HPSE2: variants seen among roughly 807,000 people sequenced by gnomAD.
HPSE2 encodes the protein heparanase 2 (inactive), also known as inactive heparanase-2.
HPSE2 carries 38 observed loss-of-function variants against 60.5 expected under a neutral mutation model. That is an observed-to-expected ratio of 0.63 (90% CI 0.48 to 0.82). The LOEUF (loss-of-function observed/expected upper bound fraction) is 0.82. Ranked by LOEUF, HPSE2 falls within the 40% of genes least tolerant of loss-of-function variation. The probability of loss-of-function intolerance (pLI) is 0.00; values close to 1 mark genes in which losing one functional copy is unlikely to be tolerated. For missense variants in HPSE2, 713 were observed against 740.4 expected (o/e 0.96, Z 0.43); for synonymous variants, 295 against 293.2 (o/e 1.01, Z -0.06).
chr10:99,101,455 T>C (rs980205418), intron 3 of HPSE2, among the ~76,000 whole-genome samples: 6 of 152,170 alleles, frequency 3.9e-5, no homozygotes, highest in African/African-American at 1.4e-4. Context: ...TAAATATATA[T>C]GCACCCAATA....
intron 4 of HPSE2, among the ~76,000 whole-genome samples, chr10:98,730,194 G>A (rs1949193651): frequency 6.6e-6 from 1 of 151,976 alleles, no homozygotes; most frequent in African/African-American, 2.4e-5. Context: ...CAAAAATTGA[G>A]AAATCCCCAA....
chr10:99,125,671 C>A (rs551190743), intron 3 of HPSE2, among the ~76,000 whole-genome samples: 1 of 152,306 alleles, frequency 6.6e-6, no homozygotes, highest in South Asian at 2.1e-4. Flanking sequence ...GGAAAACATG[C>A]CTCTGAACAC....
intron 6 of HPSE2, among the ~76,000 whole-genome samples, chr10:98,651,443 A>G (rs1478423981): frequency 6.6e-6 from 1 of 152,224 alleles, no homozygotes. Flanking sequence ...TTCAGCTAAT[A>G]GGAATTCTAA....
intron 3 of HPSE2, among the ~76,000 whole-genome samples, chr10:98,897,841 T>C (rs189744214): frequency 6.6e-6 from 1 of 152,242 alleles, no homozygotes; most frequent in East Asian, 1.9e-4. Flanking sequence ...AAAAATTGAT[T>C]AGTTAGCCTT....
chr10:98,603,155 C>A (rs1284653274), intron 9 of HPSE2, among the ~76,000 whole-genome samples: 1 of 152,116 alleles, frequency 6.6e-6, no homozygotes, highest in African/African-American at 2.4e-5. Context: ...CAAACCACTG[C>A]CCCCAAAATT....
intron 3 of HPSE2, among the ~76,000 whole-genome samples, chr10:99,083,653 C>T (rs1462565800): frequency 2.0e-5 from 3 of 152,016 alleles, no homozygotes; most frequent in South Asian, 2.1e-4. Context: ...TCAGGGGGCA[C>T]GGGGAGATGG....
chr10:99,149,962 T>C (rs1846198202), intron 2 of HPSE2, among the ~76,000 whole-genome samples: 1 of 152,004 alleles, frequency 6.6e-6, no homozygotes, highest in Non-Finnish European at 1.5e-5. Context: ...CTCTTACAGA[T>C]GTTCTTTGTT....
rs1203621306 is a variant in HPSE2 at position 99,232,455 on chromosome 10, C to T, written c.341G>A (p.Arg114His). Residue 114 changes from arginine to histidine, a missense_variant, in exon 2 of 12, where the codon CGC (arginine) becomes CAC (histidine). Physicochemically the swap from Arg to His is conservative, Grantham distance 29 (BLOSUM62 0). Coordinates refer to ENST00000370552, the MANE Select transcript of HPSE2 (RefSeq NM_021828.5). ...LARGLSPAFL[R>H]FGGKRTDFLQ... ...GAAGTCGGTCCTTTTGCCCCCGAAG[C>T]GCAGAAAGGCGGGCGAAAGTCCCCG... 2.6e-6 allele frequency: 4 copies of T among 1,558,690 alleles called. No homozygotes were observed. The highest frequency in any genetic ancestry group is 2.6e-6 in the Non-Finnish European group (3 of 1,151,122).
At chr10:98,610,485 G>T (rs1008183404) in intron 9 of HPSE2, among the ~76,000 whole-genome samples, 2 of 152,156 alleles carry the variant, frequency 1.3e-5, no homozygotes, top group Non-Finnish European at 2.9e-5. Flanking sequence ...CTAGTGAATT[G>T]TACTCCAATC....
chr10:99,009,743 A>G (rs1346322604), intron 3 of HPSE2, among the ~76,000 whole-genome samples: 1 of 152,188 alleles, frequency 6.6e-6, no homozygotes, highest in Admixed American at 6.5e-5. Context: ...GACCAGTAAT[A>G]TTTCAAAAAG....
intron 9 of HPSE2, among the ~76,000 whole-genome samples, chr10:98,589,859 T>C (rs1455804272): frequency 2.0e-5 from 3 of 152,226 alleles, no homozygotes; most frequent in Non-Finnish European, 4.4e-5. Flanking sequence ...TTCCCTTGAA[T>C]CCTCATCTTT....
intron 2 of HPSE2, among the ~76,000 whole-genome samples, chr10:99,159,384 T>G (rs1846727611): frequency 6.6e-6 from 1 of 152,200 alleles, no homozygotes; most frequent in South Asian, 2.1e-4. Flanking sequence ...AAAGAGGTTG[T>G]ATGAGGTAGT....
chr10:98,950,401 A>G (rs1955321323), intron 3 of HPSE2, among the ~76,000 whole-genome samples: 1 of 152,210 alleles, frequency 6.6e-6, no homozygotes, highest in Non-Finnish European at 1.5e-5. Context: ...GGTACTTGAA[A>G]TATTAATAAT....
rs1941294880 is a variant in HPSE2 at position 98,482,829 on chromosome 10, C to A, written c.1467-47G>T. On this transcript the variant is annotated intron_variant, in intron 10 of 11. Coordinates refer to ENST00000370552, the MANE Select transcript of HPSE2 (RefSeq NM_021828.5). Reference sequence around the variant, plus strand: ...AAGTGAAAGATGGAAACAAAGTGGTCAGTTAGATGCTTCTAAATAATTTAT... The same window carrying A: ...AAGTGAAAGATGGAAACAAAGTGGTAAGTTAGATGCTTCTAAATAATTTAT... The A allele has an allele frequency of 1.9e-6, 3 of 1,592,242 alleles. No homozygotes were observed. In the South Asian group the frequency reaches 3.3e-5, roughly 18 times the overall value.
intron 3 of HPSE2, among the ~76,000 whole-genome samples, chr10:98,794,282 C>T (rs1037261025): frequency 7.3e-5 from 11 of 150,888 alleles, no homozygotes; most frequent in African/African-American, 2.7e-4. Flanking sequence ...ACTCTGTCAC[C>T]GAGGCTAGAA....
At chr10:98,799,837 C>T (rs1055021003) in intron 3 of HPSE2, among the ~76,000 whole-genome samples, 4 of 150,518 alleles carry the variant, frequency 2.7e-5, no homozygotes, top group Non-Finnish European at 4.4e-5. Context: ...AGAATAAAAA[C>T]TTCAATTAAA....
intron 11 of HPSE2, among the ~76,000 whole-genome samples, chr10:98,467,541 C>T (rs1591217732): frequency 1.3e-5 from 2 of 152,184 alleles, no homozygotes; most frequent in East Asian, 3.9e-4. Context: ...GAGATAAGTC[C>T]GACTGTGTGT....
chr10:99,172,213 T>G (rs991548087), intron 2 of HPSE2, among the ~76,000 whole-genome samples: 1 of 152,140 alleles, frequency 6.6e-6, no homozygotes, highest in Non-Finnish European at 1.5e-5. Flanking sequence ...GTCCCCAGCG[T>G]GTACTGCTGC....
chr10:98,882,405 CAA>C (rs1382507005), intron 3 of HPSE2, among the ~76,000 whole-genome samples: 3 of 150,944 alleles, frequency 2.0e-5, no homozygotes, highest in Non-Finnish European at 4.4e-5. Flanking sequence ...TTTTTTTTCT[CAA>C]AAGTCATGAG....
Sources: allele counts gnomAD v4.1 joint callset (sites outside exome capture counted in the v4.1 genomes callset), GRCh38; gene constraint gnomAD v4.1.1; transcripts MANE v1.5; gene names NCBI Gene and HGNC (gene_info 2026-07-23, HGNC 2026-07-21).